The following EML5 variants were observed in gnomAD, a reference collection of about 807,000 sequenced individuals.
EML5 encodes the protein echinoderm microtubule-associated protein-like 5.
A neutral mutation model predicts 250.0 loss-of-function variants in EML5; 120 were observed. The ratio of observed to expected loss-of-function variants is 0.48; its 90% confidence interval spans 0.41 to 0.56. The LOEUF (loss-of-function observed/expected upper bound fraction) is 0.56. EML5 is among the 20% of genes least tolerant of loss of function. The probability of loss-of-function intolerance (pLI) is 0.00; values close to 1 mark genes in which losing one functional copy is unlikely to be tolerated. For synonymous variants in EML5, 771 were observed against 806.5 expected (o/e 0.96, Z 0.75); for missense variants, 2,006 against 2,437.6 (o/e 0.82, Z 3.73).
At chr14:88,649,962 CAT>C (rs1329808595) in intron 27 of EML5, 36 bp from the exon 28 acceptor site, 6 of 1,439,950 alleles carry the variant, frequency 4.2e-6, no homozygotes, top group East Asian at 5.1e-5. Context: ...AGTAGGAAAA[CAT>C]ATAAAAATTG....
At position 88,747,805 on chromosome 14, in the gene EML5, C is replaced by T. The variant is rs559208068; in HGVS notation, c.358-1522G>A. ...TGAAAACAGAAGTGGACAGTGAGAC[C>T]GAAAGTATGAGAGAGGTTTAAAAAC... On this transcript the variant is annotated intron_variant, in intron 2 of 43. Transcript: ENST00000554922. 3.9e-5 allele frequency among the ~76,000 whole-genome samples: 6 copies of T among 151,920 alleles called. No individual in the cohort carries two copies. In the East Asian group the frequency reaches 9.7e-4, roughly 24 times the overall value.
At chr14:88,659,372 A>G (rs1431107639) in intron 25 of EML5, among the ~76,000 whole-genome samples, 1 of 151,958 alleles carries the variant, frequency 6.6e-6, no homozygotes, top group East Asian at 1.9e-4. Flanking sequence ...CACCGTGCCC[A>G]GCTAATTTTT....
At chr14:88,651,694 T>C (rs2091636271) in intron 27 of EML5, among the ~76,000 whole-genome samples, 1 of 151,958 alleles carries the variant, frequency 6.6e-6, no homozygotes, top group Non-Finnish European at 1.5e-5. Context: ...TCAAATATTC[T>C]AATTAGAATA....
intron 31 of EML5, among the ~76,000 whole-genome samples, chr14:88,640,167 A>T (rs1453555271): frequency 6.6e-6 from 1 of 152,192 alleles, no homozygotes; most frequent in African/African-American, 2.4e-5. Context: ...TAGAAAACTA[A>T]CAAAGAAATT....
intron 21 of EML5, among the ~76,000 whole-genome samples, chr14:88,669,103 A>AG (rs2092388165): frequency 6.6e-6 from 1 of 152,206 alleles, no homozygotes; most frequent in Non-Finnish European, 1.5e-5. Context: ...CCCAGCCAAG[A>AG]GAGGCAGTGA....
intron 10 of EML5, among the ~76,000 whole-genome samples, chr14:88,706,934 T>C (rs945540968): frequency 4.3e-4 from 66 of 152,210 alleles, no homozygotes; most frequent in African/African-American, 1.6e-3. Flanking sequence ...AGTCAATCAA[T>C]GTAATGCATC....
chr14:88,715,840 G>A (rs564593538), intron 8 of EML5, among the ~76,000 whole-genome samples: 40 of 151,738 alleles, frequency 2.6e-4, no homozygotes, highest in Non-Finnish European at 4.4e-4. Context: ...TCTTTTTGAC[G>A]TTTTTAAATA....
rs1342303866 is a variant in EML5 at position 88,778,352 on chromosome 14, T to TA, written c.197+13954dup. ...CTGCAAGTTTGGGGCTCTCTTCAGG[T>TA]ACACAAGAGTTAAAAACTTCAATTT... is the stretch of plus-strand genomic sequence containing the variant. On this transcript the variant is annotated intron_variant, in intron 1 of 43. Transcript: ENST00000554922. Among the ~76,000 whole-genome samples the TA allele has an allele frequency of 2.0e-5, 3 of 152,354 alleles. No homozygotes were observed. In the East Asian group the frequency reaches 5.8e-4, roughly 29 times the overall value.
intron 7 of EML5, among the ~76,000 whole-genome samples, chr14:88,728,654 T>C (rs2093704714): frequency 6.6e-6 from 1 of 152,154 alleles, no homozygotes; most frequent in Admixed American, 6.6e-5. Flanking sequence ...TCTTACGATC[T>C]CAGGGGTGGC....
At chr14:88,733,085 A>C (rs552136280) in intron 7 of EML5, among the ~76,000 whole-genome samples, 70 of 152,364 alleles carry the variant, frequency 4.6e-4, no homozygotes, top group African/African-American at 1.4e-3. Context: ...AACAATATCA[A>C]GCTGCTTTAT....
chr14:88,635,662 A>C (rs1168485990), intron 32 of EML5, among the ~76,000 whole-genome samples: 1 of 152,206 alleles, frequency 6.6e-6, no homozygotes, highest in Non-Finnish European at 1.5e-5. Context: ...GGGCAGCATG[A>C]GACAACCTGT....
At chr14:88,650,617 T>G (rs112402034) in intron 27 of EML5, among the ~76,000 whole-genome samples, 5 of 152,194 alleles carry the variant, frequency 3.3e-5, no homozygotes, top group African/African-American at 1.2e-4. Context: ...GATAAGTATT[T>G]AATTGTTTTT....
intron 25 of EML5, among the ~76,000 whole-genome samples, chr14:88,659,133 T>A (rs980237234): frequency 1.2e-4 from 19 of 152,312 alleles, no homozygotes; most frequent in African/African-American, 4.3e-4. Flanking sequence ...CAAAGCATCA[T>A]AAAGCAGGTT....
chr14:88,661,891 A>C, intron 24 of EML5, 61 bp from the exon 25 acceptor site: 1 of 1,415,414 alleles, frequency 7.1e-7, no homozygotes, highest in Non-Finnish European at 9.5e-7. Context: ...TTAACAACCA[A>C]AATGTAAACA....
At chr14:88,739,231 G>A (rs1048039552) in intron 5 of EML5, among the ~76,000 whole-genome samples, 39 of 152,122 alleles carry the variant, frequency 2.6e-4, no homozygotes, top group African/African-American at 8.7e-4. Context: ...TCACTTATAT[G>A]GATTTTTTCA....
At position 88,704,996 on chromosome 14, in the gene EML5, A is replaced by G; in HGVS notation, c.1933-18T>C. ...TTGTAAACCTTTAAAAATGTATACAAGTAGAAATATTCTTAGAATATATAC... is the reference window on the plus strand; with the variant it reads ...TTGTAAACCTTTAAAAATGTATACAGGTAGAAATATTCTTAGAATATATAC... On this transcript the variant is annotated intron_variant, in intron 12 of 43. Transcript: ENST00000554922. The G allele has an allele frequency of 6.5e-7, 1 of 1,527,728 alleles. No individual in the cohort carries two copies. The highest frequency in any genetic ancestry group is 9.0e-7 in the Non-Finnish European group (1 of 1,108,062). 94.6% of individuals were successfully genotyped at this position (1,527,728 alleles called of 1,614,324 possible).
chr14:88,755,788 T>C (rs2094150688), intron 1 of EML5, among the ~76,000 whole-genome samples: 1 of 151,362 alleles, frequency 6.6e-6, no homozygotes, highest in African/African-American at 2.4e-5. Flanking sequence ...AGGTCAGGAG[T>C]TCAAGATCAC....
At chr14:88,617,486 T>TG (rs1817969092) in intron 41 of EML5, 1 of 152,386 alleles carries the variant, frequency 6.6e-6, no homozygotes, top group Non-Finnish European at 1.5e-5. Context: ...AAGTGCTACT[T>TG]GGCTGGGTCC....
At chr14:88,695,095 A>C (rs921822080) in intron 16 of EML5, among the ~76,000 whole-genome samples, 3 of 152,258 alleles carry the variant, frequency 2.0e-5, no homozygotes, top group Non-Finnish European at 4.4e-5. Context: ...ACAGTAGAAC[A>C]CATTCTAACT....
Sources: allele counts gnomAD v4.1 joint callset (sites outside exome capture counted in the v4.1 genomes callset), GRCh38; gene constraint gnomAD v4.1.1; transcripts MANE v1.5; gene names NCBI Gene and HGNC (gene_info 2026-07-23, HGNC 2026-07-21).